Variants in GNPTG observed in about 807,000 individuals in gnomAD.
The protein encoded by GNPTG is N-acetylglucosamine-1-phosphotransferase subunit gamma.
GNPTG carries 46 observed loss-of-function variants against 43.8 expected under a neutral mutation model. The observed-to-expected ratio is 1.05, with a 90% CI of 0.83 to 1.34. The LOEUF (loss-of-function observed/expected upper bound fraction) is 1.34. Ranked by LOEUF, GNPTG falls within the 40% of genes most tolerant of loss-of-function variation. The pLI is 0.00. For missense variants in GNPTG, 549 were observed against 411.3 expected, an observed-to-expected ratio of 1.33 and a Z score of -2.90; for synonymous variants, 250 against 172.8, an observed-to-expected ratio of 1.45 and a Z score of -3.50.
intron 3 of GNPTG, among the ~76,000 whole-genome samples, chr16:1,353,376 A>G (rs546075327): frequency 6.6e-6 from 1 of 152,332 alleles, no homozygotes; most frequent in African/African-American, 2.4e-5. Context: ...TGGAGCTGAC[A>G]GTCTAATGGG....
rs1037840772 is a variant in GNPTG, at chr16:1,360,271, G to C, written c.179-1472G>C. ...CAGCCACTTCAGCTCTCTTTTGCCT[G>C]TTTATATGAATACTTTTCCATACCT... On this transcript the variant is annotated intron_variant, in intron 3 of 10. Coordinates refer to ENST00000204679, the MANE Select transcript of GNPTG (RefSeq NM_032520.5). Among the ~76,000 whole-genome samples, 3 of 152,170 alleles carry C rather than the reference G, an allele frequency of 2.0e-5. No individual in the cohort carries two copies. The East Asian group carries it at 5.8e-4, about 29-fold the overall frequency.
intron 3 of GNPTG, among the ~76,000 whole-genome samples, chr16:1,353,918 A>G (rs2034728336): frequency 6.6e-6 from 1 of 152,254 alleles, no homozygotes; most frequent in Non-Finnish European, 1.5e-5. Flanking sequence ...GGCCTTGAGC[A>G]GGACAGCCAG....
Position 1,362,426 on chromosome 16 carries a change from G to A in GNPTG, c.527-26G>A, listed in dbSNP as rs751946577. 8 of 1,613,100 alleles carry A rather than the reference G, an allele frequency of 5.0e-6. No individual in the cohort carries two copies. In the Admixed American group the frequency reaches 6.7e-5, roughly 13 times the overall value. On this transcript the variant is annotated intron_variant, in intron 7 of 10. Coordinates refer to ENST00000204679, the MANE Select transcript of GNPTG (RefSeq NM_032520.5). ...CAGGGTTGGGACATGGGGTGCAGCT[G>A]AGCCTGGCTTCTCTTGGGTCCTCAG...
At chr16:1,357,430 G>A (rs948492479) in intron 3 of GNPTG, among the ~76,000 whole-genome samples, 10 of 152,258 alleles carry the variant, frequency 6.6e-5, no homozygotes, top group Non-Finnish European at 1.3e-4. Flanking sequence ...CTGGCTCCTG[G>A]GCTGGCCAGA....
chr16:1,356,352 C>T (rs1181841458), intron 3 of GNPTG, among the ~76,000 whole-genome samples: 4 of 151,940 alleles, frequency 2.6e-5, no homozygotes, highest in African/African-American at 2.4e-5. Context: ...AGAAGCCTCC[C>T]GGCAGGGGTG....
At chr16:1,357,790 G>C (rs1435896618) in intron 3 of GNPTG, 1 of 152,638 alleles carries the variant, frequency 6.6e-6, no homozygotes, top group East Asian at 1.9e-4. Context: ...TGGGATGACA[G>C]TCATGAGCCA....
At chr16:1,352,576 GTGCGTGTC>G in intron 3 of GNPTG, 1 of 517,058 alleles carries the variant, frequency 1.9e-6, no homozygotes, top group Non-Finnish European at 3.5e-6. Flanking sequence ...GTGCTTTTAC[GTGCGTGTC>G]TATGCAACTG....
chr16:1,358,459 G>T (rs910273238), intron 3 of GNPTG: 1 of 152,114 alleles, frequency 6.6e-6, no homozygotes, highest in Non-Finnish European at 1.5e-5. Context: ...CTTTTTATAT[G>T]GCTGAGGACT....
chr16:1,357,025 C>T (rs188192144), intron 3 of GNPTG, among the ~76,000 whole-genome samples: 1 of 152,308 alleles, frequency 6.6e-6, no homozygotes, highest in East Asian at 1.9e-4. Context: ...GCTCCAAAGG[C>T]TTCCCTATGT....
At position 1,363,173 on chromosome 16, in the gene GNPTG, AC is replaced by A; in HGVS notation, c.*84del. ...TGGTAGGACCCGCAGGGACCAGCTGACCAGGCTTGTGCTCAGAGAAGCAGAC... is the reference window on the plus strand; with the variant it reads ...TGGTAGGACCCGCAGGGACCAGCTGACAGGCTTGTGCTCAGAGAAGCAGAC... On this transcript the variant is annotated 3_prime_UTR_variant, in exon 11 of 11. Transcript: ENST00000204679. 8.3e-7 allele frequency: 1 copy of A among 1,205,606 alleles called. No individual in the cohort carries two copies. The highest frequency in any genetic ancestry group is 2.1e-4 in the Middle Eastern group (1 of 4,860). The allele number at this position is 1,205,606 out of a possible 1,614,324, so 74.7% of individuals were successfully genotyped here. A position where few individuals can be genotyped will look rare whatever the true frequency, so the allele number is the denominator to read the frequency against.
intron 3 of GNPTG, among the ~76,000 whole-genome samples, chr16:1,360,159 G>A (rs2034844936): frequency 6.6e-6 from 1 of 151,928 alleles, no homozygotes; most frequent in African/African-American, 2.4e-5. Flanking sequence ...TGTAGTGGGT[G>A]GCACTGTTTG....
chr16:1,360,390 A>G (rs1352799260), intron 3 of GNPTG, among the ~76,000 whole-genome samples: 4 of 152,170 alleles, frequency 2.6e-5, no homozygotes, highest in African/African-American at 4.8e-5. Context: ...TTGGGAGGCC[A>G]AGGTGGACGG....
rs184197664 is a variant in GNPTG, at chr16:1,358,823, T to G, written c.179-2920T>G. ...GTTGTTTTAATTTGCATTTCCCTAA[T>G]GATCAGTCATGTGGGATCTTTTCAG... On this transcript the variant is annotated intron_variant, in intron 3 of 10. Coordinates refer to ENST00000204679, the MANE Select transcript of GNPTG (RefSeq NM_032520.5). The G allele has an allele frequency of 2.0e-4, 31 of 151,942 alleles. 1 individual carries two copies. The highest frequency in any genetic ancestry group is 1.8e-3 in the Admixed American group (27 of 15,260). The allele number at this position is 151,942 out of a possible 1,614,324, so 9.4% of individuals were successfully genotyped here.
chr16:1,361,550 A>C (rs1596612048), intron 3 of GNPTG, 193 bp from the exon 4 acceptor site: 5 of 591,930 alleles, frequency 8.4e-6, no homozygotes, highest in East Asian at 6.3e-5. Context: ...AGGCTGAGGC[A>C]GGAGAATGGC....
chr16:1,362,163 G>T, intron 6 of GNPTG, 32 bp downstream of exon 6: 2 of 1,613,034 alleles, frequency 1.2e-6, no homozygotes, highest in Non-Finnish European at 1.7e-6. Context: ...CGGGAAGAGG[G>T]GCCCCAGTCT....
chr16:1,363,167 C>A lies in GNPTG; in HGVS notation c.*76C>A. ...GCTGGCTGGTAGGACCCGCAGGGAC[C>A]AGCTGACCAGGCTTGTGCTCAGAGA... On this transcript the variant is annotated 3_prime_UTR_variant, in exon 11 of 11. Coordinates refer to ENST00000204679, the MANE Select transcript of GNPTG (RefSeq NM_032520.5). 1 of 1,261,604 alleles carries A rather than the reference C, an allele frequency of 7.9e-7. No individual in the cohort carries two copies. The highest frequency in any genetic ancestry group is 1.2e-5 in the South Asian group (1 of 80,958). The allele number at this position is 1,261,604 out of a possible 1,614,324, so 78.2% of individuals were successfully genotyped here.
At position 1,362,527 on chromosome 16, in the gene GNPTG, C is replaced by A; in HGVS notation, c.602C>A (p.Thr201Asn). ...VEQDLADELI[T>N]PQGHEKLLRT... ...CAGGACCTGGCCGATGAGCTGATCA[C>A]CCCCCAGGTAAGCGTGCGCTCGGGG... is the stretch of plus-strand genomic sequence containing the variant. The change falls in exon 8 of 11, where the codon ACC becomes AAC. Residue 201 changes from threonine (T) to asparagine (N), a missense_variant. By Grantham distance (65) the Thr-to-Asn change is moderately conservative. Coordinates refer to ENST00000204679, the MANE Select transcript of GNPTG (RefSeq NM_032520.5). 1.2e-6 allele frequency: 2 copies of A among 1,614,042 alleles called. No individual in the cohort carries two copies. Among genetic ancestry groups the A allele is most frequent in the Non-Finnish European group, 1.7e-6 (2 of 1,179,970 alleles).
Position 1,362,520 on chromosome 16 carries a change from C to T in GNPTG, c.595C>T (p.Leu199=). 1 of 1,614,170 alleles carries T rather than the reference C, an allele frequency of 6.2e-7. No individual in the cohort carries two copies. The highest frequency in any genetic ancestry group is 1.3e-5 in the African/African-American group (1 of 75,058). ...GGTAGAGCAGGACCTGGCCGATGAG[C>T]TGATCACCCCCCAGGTAAGCGTGCG... is the stretch of plus-strand genomic sequence containing the variant. ...DQVEQDLADE[L]ITPQGHEKLL... Residue 199 remains leucine, a synonymous_variant, in exon 8 of 11, where the codon CTG becomes TTG. Coordinates refer to ENST00000204679, the MANE Select transcript of GNPTG (RefSeq NM_032520.5).
At chr16:1,353,857 G>A (rs2034727776) in intron 3 of GNPTG, among the ~76,000 whole-genome samples, 1 of 152,218 alleles carries the variant, frequency 6.6e-6, no homozygotes, top group Non-Finnish European at 1.5e-5. Flanking sequence ...AGAAAAGGGA[G>A]TAAAGCTGTG....
Sources: gnomAD v4.1 joint callset for allele counts (sites outside exome capture counted in the v4.1 genomes callset) on GRCh38, gnomAD v4.1.1 for gene constraint, MANE v1.5 for transcripts, NCBI Gene and HGNC (gene_info 2026-07-23, HGNC 2026-07-21) for gene names.